THSD7A: variants seen among roughly 807,000 people sequenced by gnomAD.
The protein encoded by THSD7A is thrombospondin type-1 domain-containing protein 7A.
In THSD7A, 96 loss-of-function variants were observed where a neutral mutation model predicts 231.3. That is an observed-to-expected ratio of 0.41 (90% CI 0.35 to 0.49). The LOEUF (loss-of-function observed/expected upper bound fraction) is 0.49. Ranked by LOEUF, THSD7A falls within the 20% of genes least tolerant of loss-of-function variation. The pLI is 0.05. For missense variants in THSD7A, 2,290 were observed against 2,070.2 expected, an observed-to-expected ratio of 1.11 and a Z score of -2.06; for synonymous variants, 940 against 743.3, an observed-to-expected ratio of 1.26 and a Z score of -4.30.
In THSD7A at chr7:11,790,884, A is replaced by T. The variant is rs372111429; in HGVS notation, c.190+40873T>A. On this transcript the variant is annotated intron_variant, in intron 1 of 27. Coordinates refer to ENST00000423059, the MANE Select transcript of THSD7A (RefSeq NM_015204.3). ...ACAAAAAATAAAATTTAAAATAAAC[A>T]TTTTTTCACTTGGTTGACTACTTAC... 1.1e-4 allele frequency among the ~76,000 whole-genome samples: 17 copies of T among 152,022 alleles called. No individual in the cohort carries two copies. The East Asian group carries it at 3.1e-3, about 28-fold the overall frequency.
intron 13 of THSD7A, among the ~76,000 whole-genome samples, chr7:11,441,820 G>A (rs1046694787): frequency 6.6e-6 from 1 of 151,800 alleles, no homozygotes; most frequent in African/African-American, 2.4e-5. Context: ...TCACACACTG[G>A]GGCCTGTCGG....
At chr7:11,469,285 G>T (rs887667144) in intron 9 of THSD7A, among the ~76,000 whole-genome samples, 2 of 152,148 alleles carry the variant, frequency 1.3e-5, no homozygotes, top group Non-Finnish European at 2.9e-5. Context: ...CTGACCTAGA[G>T]GGTGAAGAAA....
chr7:11,796,824 CTA>C (rs1452548390), intron 1 of THSD7A, among the ~76,000 whole-genome samples: 3 of 151,966 alleles, frequency 2.0e-5, no homozygotes, highest in African/African-American at 7.2e-5. Flanking sequence ...TTTTTCTATA[CTA>C]TGTTAGTCAT....
intron 1 of THSD7A, among the ~76,000 whole-genome samples, chr7:11,713,995 T>A (rs926706188): frequency 8.6e-5 from 13 of 151,212 alleles, no homozygotes; most frequent in African/African-American, 2.7e-4. Flanking sequence ...TCAGAGTGCG[T>A]CATATACAAT....
chr7:11,434,243 GATAAA>G, intron 13 of THSD7A, among the ~76,000 whole-genome samples: 1 of 152,160 alleles, frequency 6.6e-6, no homozygotes, highest in Non-Finnish European at 1.5e-5. Flanking sequence ...AGGATGCTAG[GATAAA>G]ATAAATGACT....
chr7:11,821,011 T>C, intron 1 of THSD7A: 1 of 1,012,340 alleles, frequency 9.9e-7, no homozygotes, highest in Non-Finnish European at 1.5e-6. Context: ...CCCTCAGCCT[T>C]GTAGCCAGGT....
In THSD7A at chr7:11,590,431, T is replaced by C; in HGVS notation, c.1453+29A>G. The C allele has an allele frequency of 6.3e-7, 1 of 1,589,584 alleles. No individual in the cohort carries two copies. Among genetic ancestry groups the C allele is most frequent in the Non-Finnish European group, 8.6e-7 (1 of 1,167,236 alleles). The stretch of plus-strand genomic sequence containing the variant: ...CACATGCTCAGTCAGTCTTCATAAG[T>C]GAATCCTTGAGAAGAAAGCAAAGGT... On this transcript the variant is annotated intron_variant, in intron 4 of 27. Transcript: ENST00000423059. The surrounding 1 kb of genome is among the most constrained non-coding windows in gnomAD (Gnocchi z 4.4).
intron 1 of THSD7A, among the ~76,000 whole-genome samples, chr7:11,787,604 C>G (rs1490907568): frequency 6.6e-6 from 1 of 152,026 alleles, no homozygotes; most frequent in East Asian, 1.9e-4. Context: ...AAGACCTAAA[C>G]AGCCGCTACA....
intron 1 of THSD7A, among the ~76,000 whole-genome samples, chr7:11,708,676 T>C (rs78235326): frequency 0.094 from 14,207 of 150,826 alleles, 837 homozygotes; most frequent in Non-Finnish European, 0.14. Flanking sequence ...AGCTCAAGGG[T>C]GTCTGCCTTC....
intron 1 of THSD7A, among the ~76,000 whole-genome samples, chr7:11,792,490 G>C (rs1013564608): frequency 5.9e-5 from 9 of 151,848 alleles, no homozygotes; most frequent in Non-Finnish European, 1.2e-4. Context: ...AAGCCTTATA[G>C]TGGGGACAAT....
At chr7:11,378,118 T>G in intron 26 of THSD7A, 1 of 152,180 alleles carries the variant, frequency 6.6e-6, no homozygotes, top group East Asian at 1.9e-4. Context: ...ATATTTATTC[T>G]CCAATAAGGG....
intron 1 of THSD7A, among the ~76,000 whole-genome samples, chr7:11,829,574 C>T (rs1785129804): frequency 6.6e-6 from 1 of 152,002 alleles, no homozygotes. Flanking sequence ...TCCTCTGTAC[C>T]AAGACCAAGC....
At chr7:11,718,954 C>A (rs925609374) in intron 1 of THSD7A, among the ~76,000 whole-genome samples, 2 of 151,402 alleles carry the variant, frequency 1.3e-5, no homozygotes, top group African/African-American at 4.8e-5. Flanking sequence ...TAAAAAAAAG[C>A]ATCAGACAGA....
chr7:11,473,215 G>C (rs1456515139), intron 8 of THSD7A, among the ~76,000 whole-genome samples: 2 of 151,904 alleles, frequency 1.3e-5, no homozygotes, highest in Non-Finnish European at 2.9e-5. Context: ...TCTCATAATG[G>C]GATTCATATT....
chr7:11,690,648 T>C (rs1047335314), intron 1 of THSD7A, among the ~76,000 whole-genome samples: 1 of 151,788 alleles, frequency 6.6e-6, no homozygotes, highest in Admixed American at 6.6e-5. Context: ...TTGAGCCCTT[T>C]GGCGGGGAGA....
At chr7:11,425,650 A>T (rs1784293264) in intron 15 of THSD7A, among the ~76,000 whole-genome samples, 1 of 151,944 alleles carries the variant, frequency 6.6e-6, no homozygotes, top group Non-Finnish European at 1.5e-5. Flanking sequence ...AATCCATTGC[A>T]ACCAAGCTGA....
intron 6 of THSD7A, among the ~76,000 whole-genome samples, chr7:11,496,995 G>A (rs1172645901): frequency 6.6e-6 from 1 of 152,124 alleles, no homozygotes; most frequent in East Asian, 1.9e-4. Context: ...ATTACTATAA[G>A]GAGATACCCG....
intron 6 of THSD7A, among the ~76,000 whole-genome samples, chr7:11,518,892 G>T (rs1788147849): frequency 6.6e-6 from 1 of 152,044 alleles, no homozygotes; most frequent in South Asian, 2.1e-4. Flanking sequence ...TTCATTCATG[G>T]ACCTTTATTG....
Position 11,401,801 on chromosome 7 carries a change from A to G in THSD7A, c.4405T>C (p.Cys1469Arg). Residue 1469 changes from cysteine to arginine, a missense_variant, in exon 23 of 28, where the codon TGT becomes CGT. Coordinates refer to ENST00000423059, the MANE Select transcript of THSD7A (RefSeq NM_015204.3). ...TATGAACGGTAGCACTCACCATAAC[A>G]TGATTTTGTTTCTAACATCTGCTCT... ...CPEQMLETKS[C>R]YDGQCYEYKW... is the part of the protein sequence containing the mutation. 1 of 1,612,894 alleles carries G rather than the reference A, an allele frequency of 6.2e-7. No homozygotes were observed. The highest frequency in any genetic ancestry group is 8.5e-7 in the Non-Finnish European group (1 of 1,179,516).
Sources: gnomAD v4.1 joint callset for allele counts (sites outside exome capture counted in the v4.1 genomes callset) on GRCh38, gnomAD v4.1.1 for gene constraint, Gnocchi (gnomAD v3.1) non-coding constraint, MANE v1.5 for transcripts, NCBI Gene and HGNC (gene_info 2026-07-23, HGNC 2026-07-21) for gene names.